Variants in NELL1 observed in about 807,000 individuals in gnomAD.
NELL1 encodes the protein neural EGFL like 1.
A neutral mutation model predicts 107.4 loss-of-function variants in NELL1; 76 were observed. The ratio of observed to expected loss-of-function variants is 0.71; its 90% CI spans 0.59 to 0.86. NELL1 has a LOEUF of 0.86. NELL1 is among the 40% of genes least tolerant of loss of function. NELL1 has a pLI of 0.00. For missense variants in NELL1, 1,024 were observed against 1,005.5 expected (o/e 1.02, Z -0.25); for synonymous variants, 353 against 341.2 (o/e 1.03, Z -0.38).
chr11:21,407,218 C>G (rs1467891280), intron 15 of NELL1, among the ~76,000 whole-genome samples: 2 of 152,024 alleles, frequency 1.3e-5, no homozygotes, highest in Non-Finnish European at 2.9e-5. Flanking sequence ...GAGCTCAAGA[C>G]CAGCCTGGGC....
intron 11 of NELL1, among the ~76,000 whole-genome samples, chr11:20,952,161 G>A (rs946044155): frequency 2.0e-5 from 3 of 152,014 alleles, no homozygotes; most frequent in South Asian, 2.1e-4. Flanking sequence ...TACTCCTCAG[G>A]GTTTTATTCC....
chr11:20,768,631 G>A (rs1856581287), intron 2 of NELL1, among the ~76,000 whole-genome samples: 4 of 152,248 alleles, frequency 2.6e-5, no homozygotes, highest in Non-Finnish European at 5.9e-5. Context: ...GGTGGGGCCT[G>A]TGTAATCACA....
intron 3 of NELL1, among the ~76,000 whole-genome samples, chr11:20,807,798 C>A (rs1590313733): frequency 6.6e-6 from 1 of 152,264 alleles, no homozygotes; most frequent in East Asian, 1.9e-4. Context: ...CCCCTTTTCC[C>A]AGGTGGAGGA....
intron 16 of NELL1, among the ~76,000 whole-genome samples, chr11:21,552,989 C>G (rs1856627095): frequency 6.6e-6 from 1 of 151,842 alleles, no homozygotes; most frequent in Non-Finnish European, 1.5e-5. Flanking sequence ...ATTCTTAGCT[C>G]CTGTAATCTG....
chr11:20,706,703 G>A lies in NELL1; in HGVS notation c.184+28643G>A, dbSNP rs548569520. 4.6e-5 allele frequency among the ~76,000 whole-genome samples: 7 copies of A among 151,942 alleles called. No homozygotes were observed. In the South Asian group the frequency reaches 1.0e-3, roughly 23 times the overall value. ...AAAAAAAAAGGAATGTTGAATATTGGCCCCCACTTTTTTCTGACTTGTAGA... is the reference window on the plus strand; with the variant it reads ...AAAAAAAAAGGAATGTTGAATATTGACCCCCACTTTTTTCTGACTTGTAGA... On this transcript the variant is annotated intron_variant, in intron 2 of 19. Coordinates refer to ENST00000357134, the MANE Select transcript of NELL1 (RefSeq NM_006157.5).
chr11:20,726,423 G>T (rs1177967314), intron 2 of NELL1, among the ~76,000 whole-genome samples: 2 of 151,434 alleles, frequency 1.3e-5, no homozygotes, highest in African/African-American at 4.9e-5. Flanking sequence ...CAATATACCA[G>T]CACCCTAGTC....
intron 2 of NELL1, among the ~76,000 whole-genome samples, chr11:20,764,134 C>T (rs1034476119): frequency 1.4e-4 from 21 of 152,250 alleles, no homozygotes; most frequent in African/African-American, 4.8e-4. Flanking sequence ...TTCACTGATT[C>T]CAAGGCACAC....
At chr11:20,842,748 A>T (rs1033933764) in intron 3 of NELL1, among the ~76,000 whole-genome samples, 3 of 152,210 alleles carry the variant, frequency 2.0e-5, no homozygotes, top group Non-Finnish European at 4.4e-5. Flanking sequence ...TGTTACGAGG[A>T]TTACATGAGT....
At chr11:20,809,380 A>C (rs572297117) in intron 3 of NELL1, among the ~76,000 whole-genome samples, 39 of 152,352 alleles carry the variant, frequency 2.6e-4, no homozygotes, top group African/African-American at 9.1e-4. Context: ...TGATGAGAAC[A>C]TTCAAAAACC....
intron 13 of NELL1, among the ~76,000 whole-genome samples, chr11:21,152,979 C>T (rs1381646942): frequency 6.6e-6 from 1 of 152,154 alleles, no homozygotes; most frequent in African/African-American, 2.4e-5. Flanking sequence ...TTTTCATTTA[C>T]ATCACCTCTT....
intron 12 of NELL1, among the ~76,000 whole-genome samples, chr11:21,094,535 C>T (rs2133694075): frequency 6.6e-6 from 1 of 152,338 alleles, no homozygotes. Flanking sequence ...AGCAGAGGCT[C>T]TCCATGAGTG....
intron 17 of NELL1, among the ~76,000 whole-genome samples, chr11:21,564,764 A>ATGTT (rs1272883352): frequency 1.3e-5 from 2 of 151,942 alleles, no homozygotes; most frequent in Non-Finnish European, 2.9e-5. Context: ...ACAGTATTCC[A>ATGTT]TGTTATAATA....
At chr11:21,568,453 A>AT (rs919419552) in intron 17 of NELL1, among the ~76,000 whole-genome samples, 2 of 151,404 alleles carry the variant, frequency 1.3e-5, no homozygotes, top group South Asian at 2.1e-4. Flanking sequence ...TTTGAAAAAG[A>AT]TTTTTTTTCT....
chr11:20,800,218 T>C (rs375728010), intron 3 of NELL1, among the ~76,000 whole-genome samples: 1 of 152,222 alleles, frequency 6.6e-6, no homozygotes, highest in East Asian at 1.9e-4. Flanking sequence ...CTTTGAATGC[T>C]AGTGGGATTG....
chr11:20,761,233 A>G (rs1338513160), intron 2 of NELL1, among the ~76,000 whole-genome samples: 1 of 152,212 alleles, frequency 6.6e-6, no homozygotes, highest in Non-Finnish European at 1.5e-5. Flanking sequence ...AGGTTAGACA[A>G]TGTGACTAAA....
chr11:21,391,066 G>A (rs1257556783), intron 15 of NELL1, among the ~76,000 whole-genome samples: 1 of 151,652 alleles, frequency 6.6e-6, no homozygotes, highest in Non-Finnish European at 1.5e-5. Context: ...AAACTAAGTT[G>A]TTCAAATGTT....
intron 4 of NELL1, among the ~76,000 whole-genome samples, chr11:20,851,449 A>T (rs953684378): frequency 2.0e-5 from 3 of 152,076 alleles, no homozygotes; most frequent in Admixed American, 6.5e-5. Flanking sequence ...GATTATCTCC[A>T]TTGCCTTGGG....
intron 13 of NELL1, among the ~76,000 whole-genome samples, chr11:21,150,462 C>T (rs573518584): frequency 1.5e-4 from 23 of 152,214 alleles, no homozygotes; most frequent in African/African-American, 5.5e-4. Flanking sequence ...TCTCATTAAT[C>T]CTCTTCAATT....
chr11:21,082,181 T>G (rs1295904296), intron 12 of NELL1, among the ~76,000 whole-genome samples: 1 of 152,164 alleles, frequency 6.6e-6, no homozygotes, highest in East Asian at 1.9e-4. Context: ...GCAGCTGAAT[T>G]AGGACATGCT....
Sources: allele counts gnomAD v4.1 joint callset (sites outside exome capture counted in the v4.1 genomes callset), GRCh38; gene constraint gnomAD v4.1.1; transcripts MANE v1.5; gene names NCBI Gene and HGNC (gene_info 2026-07-23, HGNC 2026-07-21).